Variants in SPTLC2 observed in about 807,000 individuals in gnomAD.
SPTLC2 encodes the protein serine palmitoyltransferase 2.
SPTLC2 carries 21 observed loss-of-function variants against 62.0 expected under a neutral mutation model. The observed-to-expected ratio is 0.34, with a 90% CI of 0.24 to 0.49. The LOEUF is 0.49. Among genes scored for constraint, SPTLC2 ranks in the 20% least tolerant of loss-of-function variants. The pLI is 0.99. For missense variants in SPTLC2, 511 were observed against 713.0 expected, an observed-to-expected ratio of 0.72 and a Z score of 3.23; for synonymous variants, 261 against 261.8, an observed-to-expected ratio of 1.00 and a Z score of 0.03.
rs542499417 is a variant in SPTLC2, at chr14:77,525,927, T to A, written c.1304-4346A>T. Among the ~76,000 whole-genome samples the A allele has an allele frequency of 5.9e-5, 9 of 151,916 alleles. No individual in the cohort carries two copies. In the South Asian group the frequency reaches 1.7e-3, roughly 28 times the overall value. ...TCCATCTCAAATAAATAAATAAATA[T>A]ATAAAAATAAAGTGGCCTGTTATCC... On this transcript the variant is annotated intron_variant, in intron 9 of 11. Transcript: ENST00000216484.
At chr14:77,616,088 G>A (rs549294018) in intron 1 of SPTLC2, among the ~76,000 whole-genome samples, 51 of 152,346 alleles carry the variant, frequency 3.3e-4, no homozygotes, top group African/African-American at 1.2e-3. Context: ...GTTTGAGAAG[G>A]GACCCTCCGG....
intron 5 of SPTLC2, among the ~76,000 whole-genome samples, chr14:77,564,446 CACACAGAT>C (rs2079633756): frequency 1.7e-5 from 2 of 118,668 alleles, no homozygotes; most frequent in Non-Finnish European, 1.8e-5. Context: ...CACACACACA[CACACAGAT>C]GTGTGTGTAT....
At chr14:77,575,768 G>A (rs2079712145) in intron 4 of SPTLC2, among the ~76,000 whole-genome samples, 1 of 152,170 alleles carries the variant, frequency 6.6e-6, no homozygotes, top group African/African-American at 2.4e-5. Context: ...CCTGGCCTCA[G>A]CTGATCTTCC....
intron 9 of SPTLC2, among the ~76,000 whole-genome samples, chr14:77,525,131 T>C (rs2079402638): frequency 6.7e-6 from 1 of 148,360 alleles, no homozygotes; most frequent in Admixed American, 6.7e-5. Context: ...TATGTATCAA[T>C]TTTTAAAAAA....
Position 77,570,527 on chromosome 14 carries a change from A to T in SPTLC2, c.632-19T>A, listed in dbSNP as rs776185412. The T allele has an allele frequency of 1.2e-6, 2 of 1,609,654 alleles. No individual in the cohort carries two copies. Among genetic ancestry groups the T allele is most frequent in the Non-Finnish European group, 1.7e-6 (2 of 1,178,928 alleles). On this transcript the variant is annotated intron_variant, in intron 4 of 11. Coordinates refer to ENST00000216484, the MANE Select transcript of SPTLC2 (RefSeq NM_004863.4). The stretch of plus-strand genomic sequence containing the variant: ...AGGTTTCCTGTGTGAAGAAGTTAAT[A>T]AAGTCAGTATCACAAAATCCTGAAT...
At chr14:77,548,856 T>C (rs2079542173) in intron 9 of SPTLC2, among the ~76,000 whole-genome samples, 1 of 152,236 alleles carries the variant, frequency 6.6e-6, no homozygotes, top group Non-Finnish European at 1.5e-5. Context: ...CTGAAGGCTC[T>C]GTACTCTCAC....
chr14:77,595,478 A>C (rs1023681323), intron 2 of SPTLC2, among the ~76,000 whole-genome samples: 1 of 152,196 alleles, frequency 6.6e-6, no homozygotes, highest in African/African-American at 2.4e-5. Flanking sequence ...GCATTCAAAA[A>C]ACTTATTTAC....
At position 77,512,269 on chromosome 14, in the gene SPTLC2, G is replaced by GA. The variant is rs1361431532; in HGVS notation, c.*14dup. ...TGGGTGAGGGAGAGTTCCTCTGAGG[G>GA]AGCACCAAAAAGGCTCAGTCTTCTG... is the stretch of plus-strand genomic sequence containing the variant. On this transcript the variant is annotated 3_prime_UTR_variant, in exon 12 of 12. Transcript: ENST00000216484. 6.2e-7 allele frequency: 1 copy of GA among 1,613,348 alleles called. No homozygotes were observed. The highest frequency in any genetic ancestry group is 1.3e-5 in the African/African-American group (1 of 74,890).
At chr14:77,556,784 C>T (rs1018965248) in intron 7 of SPTLC2, among the ~76,000 whole-genome samples, 1 of 152,066 alleles carries the variant, frequency 6.6e-6, no homozygotes, top group African/African-American at 2.4e-5. Context: ...ATATAGGTTC[C>T]CTCTACAAAC....
intron 3 of SPTLC2, among the ~76,000 whole-genome samples, chr14:77,578,485 G>A (rs2079729450): frequency 6.6e-6 from 1 of 152,050 alleles, no homozygotes; most frequent in African/African-American, 2.4e-5. Context: ...GGGAGGCTGA[G>A]GGGGACAGAT....
chr14:77,555,908 C>A (rs1594987309), intron 7 of SPTLC2, among the ~76,000 whole-genome samples: 1 of 152,104 alleles, frequency 6.6e-6, no homozygotes, highest in South Asian at 2.1e-4. Context: ...AATAAGCCAC[C>A]CTGCCCGGCT....
At chr14:77,574,758 T>C (rs1210734253) in intron 4 of SPTLC2, among the ~76,000 whole-genome samples, 1 of 152,196 alleles carries the variant, frequency 6.6e-6, no homozygotes. Flanking sequence ...CCAAATGTTA[T>C]ACAATTCCTT....
intron 2 of SPTLC2, among the ~76,000 whole-genome samples, chr14:77,584,057 G>C (rs1019928092): frequency 1.3e-5 from 2 of 152,134 alleles, no homozygotes; most frequent in East Asian, 1.9e-4. Flanking sequence ...TCAAACTCTT[G>C]GATTTGCTGC....
intron 9 of SPTLC2, among the ~76,000 whole-genome samples, chr14:77,542,449 C>CA (rs2140009959): frequency 6.6e-6 from 1 of 152,196 alleles, no homozygotes; most frequent in Non-Finnish European, 1.5e-5. Flanking sequence ...TTTCGTGCCC[C>CA]AGAGAACAGT....
chr14:77,548,465 G>A (rs1390165030), intron 9 of SPTLC2, among the ~76,000 whole-genome samples: 3 of 152,214 alleles, frequency 2.0e-5, no homozygotes, highest in East Asian at 3.8e-4. Flanking sequence ...GCCTTGATTC[G>A]TATGTAGATA....
chr14:77,592,994 T>A (rs555526044), intron 2 of SPTLC2, among the ~76,000 whole-genome samples: 1 of 152,008 alleles, frequency 6.6e-6, no homozygotes, highest in Middle Eastern at 3.4e-3. Flanking sequence ...TTCCAGCTAC[T>A]TGGGAGGCTG....
intron 9 of SPTLC2, among the ~76,000 whole-genome samples, chr14:77,534,916 G>A (rs1471434332): frequency 6.7e-6 from 1 of 150,098 alleles, no homozygotes; most frequent in African/African-American, 2.5e-5. Context: ...AAGACCTGAT[G>A]CAGCCAAGTG....
intron 2 of SPTLC2, among the ~76,000 whole-genome samples, chr14:77,580,787 C>T (rs113474044): frequency 6.6e-4 from 100 of 152,082 alleles, no homozygotes; most frequent in African/African-American, 2.3e-3. Context: ...GAGGCTAAGG[C>T]GGGAAGATCA....
chr14:77,593,102 C>CAA (rs1211045036), intron 2 of SPTLC2, among the ~76,000 whole-genome samples: 1 of 121,756 alleles, frequency 8.2e-6, no homozygotes, highest in African/African-American at 3.0e-5. Flanking sequence ...GACTCCATCT[C>CAA]AAAAAAAAAA....
Sources: gnomAD v4.1 joint callset for allele counts (sites outside exome capture counted in the v4.1 genomes callset) on GRCh38, gnomAD v4.1.1 for gene constraint, MANE v1.5 for transcripts, NCBI Gene and HGNC (gene_info 2026-07-23, HGNC 2026-07-21) for gene names.